The following MSRA variants were observed in gnomAD, a reference collection of about 807,000 sequenced individuals.
MSRA encodes methionine sulfoxide reductase A, also known as mitochondrial peptide methionine sulfoxide reductase.
MSRA carries 54 observed loss-of-function variants against 31.3 expected under a neutral mutation model. The ratio of observed to expected loss-of-function variants is 1.73; its 90% CI spans 1.39 to 2.17. MSRA has a LOEUF of 2.17. Ranked by LOEUF, MSRA falls within the 30% of genes most tolerant of loss-of-function variation. The pLI is 0.00. For missense variants in MSRA, 507 were observed against 300.9 expected, an observed-to-expected ratio of 1.69 and a Z score of -5.07; for synonymous variants, 169 against 116.5, an observed-to-expected ratio of 1.45 and a Z score of -2.90.
chr8:10,074,208 G>A (rs1797883378), intron 1 of MSRA, among the ~76,000 whole-genome samples: 1 of 150,762 alleles, frequency 6.6e-6, no homozygotes, highest in Non-Finnish European at 1.5e-5. Context: ...TTATCCTCCC[G>A]AGTACCTGGG....
chr8:10,223,931 T>C (rs925098035), intron 2 of MSRA, among the ~76,000 whole-genome samples: 3 of 152,200 alleles, frequency 2.0e-5, no homozygotes, highest in Non-Finnish European at 2.9e-5. Flanking sequence ...TGTGTTCAGA[T>C]GGAATACTCA....
At chr8:10,390,450 T>G (rs1806670187) in intron 5 of MSRA, among the ~76,000 whole-genome samples, 1 of 152,154 alleles carries the variant, frequency 6.6e-6, no homozygotes, top group Non-Finnish European at 1.5e-5. Context: ...GGCACTTGCC[T>G]CTTAGTCTTC....
chr8:10,067,844 C>T (rs1262632860), intron 1 of MSRA, among the ~76,000 whole-genome samples: 1 of 148,770 alleles, frequency 6.7e-6, no homozygotes, highest in African/African-American at 2.5e-5. Context: ...ATCTTTTGCC[C>T]ATATTTCAGT....
intron 5 of MSRA, among the ~76,000 whole-genome samples, chr8:10,348,924 C>T (rs773178747): frequency 6.6e-6 from 1 of 151,948 alleles, no homozygotes; most frequent in Non-Finnish European, 1.5e-5. Flanking sequence ...CTGTTGCTCA[C>T]GAGATCTAAA....
At chr8:10,168,308 C>T (rs1411724706) in intron 1 of MSRA, among the ~76,000 whole-genome samples, 1 of 152,146 alleles carries the variant, frequency 6.6e-6, no homozygotes, top group Non-Finnish European at 1.5e-5. Flanking sequence ...TCCCAGTCTT[C>T]TAAACAGTAT....
intron 1 of MSRA, among the ~76,000 whole-genome samples, chr8:10,069,128 C>G (rs1797605650): frequency 2.6e-5 from 4 of 152,170 alleles, no homozygotes; most frequent in Admixed American, 2.0e-4. Context: ...ATCTTGTAAC[C>G]TGCACCCTTG....
chr8:10,285,703 CAA>C (rs1563310026), intron 3 of MSRA, among the ~76,000 whole-genome samples: 1 of 151,904 alleles, frequency 6.6e-6, no homozygotes, highest in Non-Finnish European at 1.5e-5. Context: ...TCTATAAGAT[CAA>C]CTTTTTCAGC....
At chr8:10,252,986 T>A (rs1254652203) in intron 3 of MSRA, among the ~76,000 whole-genome samples, 1 of 152,156 alleles carries the variant, frequency 6.6e-6, no homozygotes, top group East Asian at 1.9e-4. Context: ...AGTTCAAAGT[T>A]GAAACCAAAG....
At chr8:10,349,021 C>T (rs1585548749) in intron 5 of MSRA, among the ~76,000 whole-genome samples, 1 of 152,148 alleles carries the variant, frequency 6.6e-6, no homozygotes, top group African/African-American at 2.4e-5. Flanking sequence ...CCGTGTAGAA[C>T]ACCAGCCTAA....
At chr8:10,105,604 C>G (rs993181395) in intron 1 of MSRA, among the ~76,000 whole-genome samples, 4 of 152,094 alleles carry the variant, frequency 2.6e-5, no homozygotes, top group African/African-American at 7.2e-5. Flanking sequence ...TTCTAGGGCC[C>G]TTAGAAAGAA....
intron 1 of MSRA, among the ~76,000 whole-genome samples, chr8:10,124,747 A>AT (rs1008550699): frequency 1.1e-4 from 16 of 151,514 alleles, no homozygotes; most frequent in East Asian, 3.9e-4. Context: ...TGCAGAGATG[A>AT]TTTTTTTTTG....
intron 1 of MSRA, among the ~76,000 whole-genome samples, chr8:10,134,695 G>A (rs988677223): frequency 6.6e-6 from 1 of 152,230 alleles, no homozygotes; most frequent in Non-Finnish European, 1.5e-5. Context: ...GAAACAGTCC[G>A]ACTGCTTTAG....
chr8:10,272,060 C>A lies in MSRA; in HGVS notation c.331+26837C>A, dbSNP rs189257697. On this transcript the variant is annotated intron_variant, in intron 3 of 5. Transcript: ENST00000317173. ...TTTAGCCCCTTTCTTTCTTCAGTCT[C>A]TTCTATTCTCCAACCATGGATGCTG... is the stretch of plus-strand genomic sequence containing the variant. Among the ~76,000 whole-genome samples, 221 of 152,280 alleles carry A rather than the reference C, an allele frequency of 1.5e-3. 1 individual carries two copies. The highest frequency in any genetic ancestry group is 0.012 in the South Asian group (58 of 4,828).
intron 2 of MSRA, among the ~76,000 whole-genome samples, chr8:10,242,358 T>G (rs1350069268): frequency 4.6e-5 from 7 of 151,952 alleles, no homozygotes; most frequent in African/African-American, 2.4e-5. Flanking sequence ...GATGATAAAG[T>G]GTAAGAAACA....
chr8:10,138,980 C>T (rs1042545440), intron 1 of MSRA, among the ~76,000 whole-genome samples: 2 of 152,182 alleles, frequency 1.3e-5, no homozygotes, highest in Admixed American at 1.3e-4. Context: ...AGTCTCAGTC[C>T]CTGAGGAGTA....
intron 1 of MSRA, among the ~76,000 whole-genome samples, chr8:10,205,822 A>G (rs1036681634): frequency 6.6e-6 from 1 of 152,204 alleles, no homozygotes; most frequent in African/African-American, 2.4e-5. Flanking sequence ...AGAAGTTGTA[A>G]TAGGATTGTG....
intron 5 of MSRA, among the ~76,000 whole-genome samples, chr8:10,353,435 T>G (rs564359437): frequency 6.6e-6 from 1 of 152,128 alleles, no homozygotes; most frequent in Non-Finnish European, 1.5e-5. Context: ...GGGAGTCTCC[T>G]TGGAGGTTCC....
intron 3 of MSRA, among the ~76,000 whole-genome samples, chr8:10,270,928 G>C (rs1028553956): frequency 2.0e-5 from 3 of 152,158 alleles, no homozygotes; most frequent in African/African-American, 7.2e-5. Context: ...GCTTTGCCAC[G>C]GCAGAAATGC....
At chr8:10,340,817 A>T (rs984595193) in intron 5 of MSRA, among the ~76,000 whole-genome samples, 1 of 152,278 alleles carries the variant, frequency 6.6e-6, no homozygotes, top group African/African-American at 2.4e-5. Flanking sequence ...CTGCAAAGGC[A>T]TCAGCAAAGA....
Sources: allele counts gnomAD v4.1 joint callset (sites outside exome capture counted in the v4.1 genomes callset), GRCh38; gene constraint gnomAD v4.1.1; transcripts MANE v1.5; gene names NCBI Gene and HGNC (gene_info 2026-07-23, HGNC 2026-07-21).